KCTD14: variants seen among roughly 807,000 people sequenced by gnomAD.
The protein encoded by KCTD14 is BTB/POZ domain-containing protein KCTD14.
In KCTD14, 7 loss-of-function variants were observed where a neutral mutation model predicts 5.9. That is an observed-to-expected ratio of 1.19 (90% confidence interval 0.68 to 2.23). KCTD14 has a LOEUF of 2.23. KCTD14 is among the 30% of genes most tolerant of loss of function. The pLI, the probability that KCTD14 is intolerant of heterozygous loss-of-function variation, is 0.00. For missense variants in KCTD14, 342 were observed against 332.2 expected, an observed-to-expected ratio of 1.03 and a Z score of -0.23; for synonymous variants, 140 against 133.1, an observed-to-expected ratio of 1.05 and a Z score of -0.36.
At position 78,023,213 on chromosome 11, in the gene KCTD14, T is replaced by C; in HGVS notation, c.37A>G (p.Arg13Gly). ...QGCAVERPVG[R>G]MTSQTPLPQS... ...GGCAGAGGGGTCTGGCTCGTCATCC[T>C]GCCCACTGGCCGCTCCACTGCGCAG... The change falls in exon 1 of 2, where the codon AGG becomes GGG. Residue 13 changes from arginine (R) to glycine (G), a missense_variant. Transcript: ENST00000353172. 1 of 1,608,148 alleles carries C rather than the reference T, an allele frequency of 6.2e-7. No individual in the cohort carries two copies. Among genetic ancestry groups the C allele is most frequent in the Admixed American group, 1.7e-5 (1 of 59,904 alleles).
intron 2 of KCTD14, among the ~76,000 whole-genome samples, chr11:78,035,261 T>A (rs1429837327): frequency 2.0e-5 from 3 of 152,102 alleles, no homozygotes; most frequent in Non-Finnish European, 4.4e-5. Context: ...TCCACAGGCT[T>A]CCATGCACCC....
chr11:78,030,896 C>T (rs531247784), intron 2 of KCTD14, among the ~76,000 whole-genome samples: 1 of 152,276 alleles, frequency 6.6e-6, no homozygotes, highest in Non-Finnish European at 1.5e-5. Context: ...CAAGGACCCT[C>T]TTCCCCTCCC....
chr11:78,018,408 T>A (rs2372890), intron 1 of KCTD14, among the ~76,000 whole-genome samples: 80,758 of 151,038 alleles, frequency 0.53, 22,279 homozygotes, highest in Middle Eastern at 0.62. Context: ...GGAAAAAAAA[T>A]TTTTTTTTTA....
At chr11:78,025,368 T>A (rs776801162), upstream of KCTD14, among the ~76,000 whole-genome samples, 11 of 151,916 alleles carry the variant, frequency 7.2e-5, no homozygotes, top group Non-Finnish European at 8.8e-5. Context: ...CTGCTTTATG[T>A]TCTAGCCATG....
intron 2 of KCTD14, among the ~76,000 whole-genome samples, chr11:78,033,901 G>GTGTGTACATATATATATATATATATATA: frequency 3.5e-5 from 4 of 115,602 alleles, no homozygotes; most frequent in African/African-American, 1.1e-4. Context: ...GTGTGTGTGT[G>GTGTGTACATATATATATATATATATATA]TATATATATA....
chr11:78,017,217 C>CTG lies in KCTD14; in HGVS notation c.143_144insCA (p.Gly49ArgfsTer4), dbSNP rs1565308253. ...AGCCCGGAAACTTCCTCAGGGTACC[C>CTG]AGGGTGGTGGTGTGGAACTCACCCC... On this transcript the variant is annotated frameshift_variant, in exon 2 of 2. Transcript: ENST00000353172. LOFTEE classifies it low-confidence loss of function (END_TRUNC). 2.5e-6 allele frequency: 4 copies of CTG among 1,612,328 alleles called. No individual in the cohort carries two copies. In the East Asian group the frequency reaches 8.9e-5, roughly 36 times the overall value.
chr11:78,041,788 G>A (rs188790091), intron 1 of KCTD14, among the ~76,000 whole-genome samples: 3 of 152,342 alleles, frequency 2.0e-5, no homozygotes, highest in Non-Finnish European at 2.9e-5. Context: ...CGAGACTCCC[G>A]TTGCCACTCC....
At chr11:78,023,784 C>T (rs1227017895), upstream of KCTD14, 1 of 154,064 alleles carries the variant, frequency 6.5e-6, no homozygotes, top group Non-Finnish European at 1.4e-5. Context: ...CCTCGGAGTT[C>T]CCAGTAGTGA....
intron 1 of KCTD14, chr11:78,038,859 C>T (rs1444335838): frequency 3.7e-6 from 5 of 1,351,074 alleles, no homozygotes; most frequent in South Asian, 1.3e-5. Flanking sequence ...TGGAGCCACA[C>T]TGCAGAACTG....
Position 78,016,803 on chromosome 11 carries a change from C to T in KCTD14, c.558G>A (p.Leu186=). The T allele has an allele frequency of 6.2e-7, 1 of 1,614,162 alleles. No homozygotes were observed. Among genetic ancestry groups the T allele is most frequent in the South Asian group, 1.1e-5 (1 of 91,086 alleles). ...EEQDAYYSEV[L]CFLQDKKMFK... ...ACATCTTCTTATCCTGCAGAAAACA[C>T]AGGACCTCTGAATAATATGCATCCT... Residue 186 remains leucine, a synonymous_variant, in exon 2 of 2, where the codon CTG becomes CTA. Transcript: ENST00000353172.
intron 1 of KCTD14, among the ~76,000 whole-genome samples, chr11:78,020,266 G>A (rs908474326): frequency 6.6e-6 from 1 of 152,216 alleles, no homozygotes; most frequent in Non-Finnish European, 1.5e-5. Context: ...TGGGGACAGG[G>A]CTCAGGAATG....
chr11:78,030,236 G>A (rs1261869450), intron 2 of KCTD14, among the ~76,000 whole-genome samples: 1 of 152,104 alleles, frequency 6.6e-6, no homozygotes, highest in Non-Finnish European at 1.5e-5. Context: ...CAGTTTTCCA[G>A]TGACATTAGC....
At chr11:78,036,114 G>T (rs1336492673) in intron 2 of KCTD14, among the ~76,000 whole-genome samples, 1 of 152,020 alleles carries the variant, frequency 6.6e-6, no homozygotes, top group Non-Finnish European at 1.5e-5. Context: ...AGCAGAGATT[G>T]CACCACTGCA....
At chr11:78,033,901 G>GTGTGTGTATATATATATATATATATA in intron 2 of KCTD14, among the ~76,000 whole-genome samples, 39 of 115,560 alleles carry the variant, frequency 3.4e-4, no homozygotes, top group African/African-American at 1.0e-3. Flanking sequence ...GTGTGTGTGT[G>GTGTGTGTATATATATATATATATATA]TATATATATA....
Position 78,035,572 on chromosome 11 carries a change from G to A in KCTD14, c.-1+3092C>T, listed in dbSNP as rs550122503. On this transcript the variant is annotated intron_variant, in intron 2 of 2. Coordinates refer to the KCTD14 transcript ENST00000533144. ...AAGAGTCGCTTTATGGGCCAGGCGC[G>A]GTGGCTCACGCCTGTAATCCTAGCA... 2.9e-4 allele frequency among the ~76,000 whole-genome samples: 44 copies of A among 151,994 alleles called. No homozygotes were observed. The South Asian group carries it at 8.7e-3, about 30-fold the overall frequency.
intron 2 of KCTD14, among the ~76,000 whole-genome samples, chr11:78,036,271 T>C (rs1857800978): frequency 6.6e-6 from 1 of 152,280 alleles, no homozygotes; most frequent in Non-Finnish European, 1.5e-5. Context: ...TGTGAATGTG[T>C]GTGCACACAT....
chr11:78,030,391 A>T (rs1200078608), intron 2 of KCTD14, among the ~76,000 whole-genome samples: 1 of 152,062 alleles, frequency 6.6e-6, no homozygotes, highest in Non-Finnish European at 1.5e-5. Context: ...CTCTGCCACC[A>T]GTTTGCAGTA....
chr11:78,023,879 T>G (rs764127001), upstream of KCTD14, among the ~76,000 whole-genome samples: 2 of 152,146 alleles, frequency 1.3e-5, no homozygotes, highest in Non-Finnish European at 2.9e-5. Context: ...GAGTGAAAGA[T>G]CCGCAACACC....
intron 2 of KCTD14, among the ~76,000 whole-genome samples, chr11:78,037,553 C>A (rs1031174716): frequency 6.6e-6 from 1 of 152,158 alleles, no homozygotes; most frequent in African/African-American, 2.4e-5. Flanking sequence ...CATGGGAGGA[C>A]CTTTTCCTAC....
Sources: allele counts gnomAD v4.1 joint callset (sites outside exome capture counted in the v4.1 genomes callset), GRCh38; gene constraint gnomAD v4.1.1; transcripts MANE v1.5; gene names NCBI Gene and HGNC (gene_info 2026-07-23, HGNC 2026-07-21).